Variants in IL1RAPL1 observed in about 807,000 individuals in gnomAD.
The protein encoded by IL1RAPL1 is interleukin 1 receptor accessory protein like 1, also known as interleukin-1 receptor accessory protein-like 1.
In IL1RAPL1, 3 loss-of-function variants were observed where a neutral mutation model predicts 48.4. The observed-to-expected ratio is 0.06, with a 90% CI of 0.03 to 0.16. The LOEUF (loss-of-function observed/expected upper bound fraction) is 0.16, where lower values mean the gene tolerates loss of function less well. IL1RAPL1 is among the 10% of genes least tolerant of loss of function. The probability of loss-of-function intolerance (pLI) is 1.00; values close to 1 mark genes in which losing one functional copy is unlikely to be tolerated. For missense variants in IL1RAPL1, 349 were observed against 530.6 expected, an observed-to-expected ratio of 0.66 and a Z score of 3.36; for synonymous variants, 185 against 187.7, an observed-to-expected ratio of 0.99 and a Z score of 0.12.
chrX:29,877,096 G>T (rs767653192), intron 6 of IL1RAPL1, among the ~76,000 whole-genome samples: 1 of 111,393 alleles, frequency 9.0e-6, no homozygotes, highest in Non-Finnish European at 1.9e-5. Context: ...TGTTTTATTT[G>T]GTTGGTGTTG....
intron 3 of IL1RAPL1, among the ~76,000 whole-genome samples, chrX:29,307,848 A>G (rs1398105513): frequency 8.9e-6 from 1 of 112,330 alleles, no homozygotes; most frequent in African/African-American, 3.2e-5. Flanking sequence ...GAACTGATGA[A>G]ATCTGGAAAT....
At chrX:29,711,451 G>A (rs1351756176) in intron 6 of IL1RAPL1, among the ~76,000 whole-genome samples, 1 of 110,528 alleles carries the variant, frequency 9.0e-6, no homozygotes, top group Non-Finnish European at 1.9e-5. Flanking sequence ...CCAAAGTGCT[G>A]GGATTACAGG....
chrX:28,732,246 A>G (rs6628380), intron 1 of IL1RAPL1, among the ~76,000 whole-genome samples: 11,273 of 111,814 alleles, frequency 0.1, 1,123 homozygotes, highest in East Asian at 0.33. Context: ...GTGCAATAAC[A>G]TTTCCTCCTT....
At chrX:28,789,046 C>A (rs981034074) in intron 1 of IL1RAPL1, among the ~76,000 whole-genome samples, 1 of 110,846 alleles carries the variant, frequency 9.0e-6, no homozygotes. Flanking sequence ...ACAACTAGGG[C>A]GTTTAAATAA....
intron 2 of IL1RAPL1, among the ~76,000 whole-genome samples, chrX:29,120,666 T>C (rs1401494350): frequency 9.0e-6 from 1 of 111,512 alleles, no homozygotes; most frequent in African/African-American, 3.3e-5. Context: ...AGTTTTTTTT[T>C]CTAAAATTGT....
At chrX:29,802,960 C>CAT (rs1569173240) in intron 6 of IL1RAPL1, among the ~76,000 whole-genome samples, 7 of 56,877 alleles carry the variant, frequency 1.2e-4, no homozygotes, top group African/African-American at 5.5e-4. Context: ...TATATGTATA[C>CAT]ATGTGTACAT....
chrX:29,117,261 T>A (rs2147474409), intron 2 of IL1RAPL1, among the ~76,000 whole-genome samples: 1 of 112,030 alleles, frequency 8.9e-6, no homozygotes, highest in African/African-American at 3.2e-5. Context: ...AAGATGCTTC[T>A]GATTTAAAAT....
At chrX:29,136,417 A>G (rs1393189111) in intron 2 of IL1RAPL1, among the ~76,000 whole-genome samples, 2 of 111,134 alleles carry the variant, frequency 1.8e-5, no homozygotes, top group Admixed American at 1.9e-4. Flanking sequence ...GTGAGCTAAC[A>G]CTCCCGGCTG....
intron 3 of IL1RAPL1, among the ~76,000 whole-genome samples, chrX:29,351,442 G>C (rs770768764): frequency 9.0e-6 from 1 of 111,503 alleles, no homozygotes; most frequent in South Asian, 3.8e-4. Flanking sequence ...TTGAGGAGAC[G>C]ATGTGAATAA....
chrX:29,743,240 AATT>A (rs942573116), intron 6 of IL1RAPL1, among the ~76,000 whole-genome samples: 31 of 107,628 alleles, frequency 2.9e-4, no homozygotes, highest in African/African-American at 9.6e-4. Flanking sequence ...TTTTACATAT[AATT>A]ATTAATATAT....
intron 2 of IL1RAPL1, among the ~76,000 whole-genome samples, chrX:29,092,100 A>G (rs1339197040): frequency 9.0e-6 from 1 of 111,350 alleles, no homozygotes; most frequent in Non-Finnish European, 1.9e-5. Flanking sequence ...TCTCATTTTC[A>G]TCAATTTGAT....
At chrX:29,947,324 TTTG>T (rs1470280128) in intron 9 of IL1RAPL1, among the ~76,000 whole-genome samples, 34 of 111,652 alleles carry the variant, frequency 3.0e-4, no homozygotes, top group Non-Finnish European at 5.3e-4. Context: ...TAAAATGGTT[TTTG>T]TTGTTGTTTT....
chrX:28,903,539 T>C (rs918682089), intron 2 of IL1RAPL1, among the ~76,000 whole-genome samples: 29 of 110,608 alleles, frequency 2.6e-4, no homozygotes, highest in African/African-American at 9.5e-4. Context: ...ACACGGCATT[T>C]CGTTCTTCTG....
intron 2 of IL1RAPL1, among the ~76,000 whole-genome samples, chrX:29,136,124 CTTTT>C (rs35972652): frequency 0.022 from 1,426 of 64,189 alleles, 44 homozygotes; most frequent in African/African-American, 0.081. Flanking sequence ...CATTTGAACT[CTTTT>C]TTTTTTTTTT....
intron 6 of IL1RAPL1, among the ~76,000 whole-genome samples, chrX:29,841,783 G>C (rs2046826388): frequency 9.0e-6 from 1 of 111,714 alleles, no homozygotes; most frequent in African/African-American, 3.3e-5. Flanking sequence ...TGAGAATGCA[G>C]AATGATGTAA....
intron 5 of IL1RAPL1, among the ~76,000 whole-genome samples, chrX:29,476,513 A>G (rs1254829865): frequency 9.0e-6 from 1 of 111,726 alleles, no homozygotes; most frequent in Non-Finnish European, 1.9e-5. Flanking sequence ...TGTTCTCTGT[A>G]GGACCTAGCA....
At chrX:29,212,678 C>A (rs1034141915) in intron 2 of IL1RAPL1, among the ~76,000 whole-genome samples, 2 of 112,225 alleles carry the variant, frequency 1.8e-5, no homozygotes, top group Non-Finnish European at 3.8e-5. Context: ...CATAAACAGT[C>A]TATTAACACA....
intron 2 of IL1RAPL1, among the ~76,000 whole-genome samples, chrX:29,050,747 G>A (rs1423937099): frequency 1.8e-5 from 2 of 111,984 alleles, no homozygotes; most frequent in Non-Finnish European, 3.8e-5. Context: ...CTGAAATTAC[G>A]GGCTCGTTGA....
At chrX:28,690,539 C>G (rs763603390) in intron 1 of IL1RAPL1, among the ~76,000 whole-genome samples, 2 of 111,413 alleles carry the variant, frequency 1.8e-5, no homozygotes, top group African/African-American at 6.5e-5. Context: ...CTATTTACAT[C>G]TGACTTGCAA....
Sources: gnomAD v4.1 joint callset for allele counts (sites outside exome capture counted in the v4.1 genomes callset) on GRCh38, gnomAD v4.1.1 for gene constraint, MANE v1.5 for transcripts, NCBI Gene and HGNC (gene_info 2026-07-23, HGNC 2026-07-21) for gene names.